Variants in VEGFA observed in about 807,000 individuals in gnomAD.
VEGFA encodes the protein vascular endothelial growth factor A, long form.
A neutral mutation model predicts 49.7 loss-of-function variants in VEGFA; 20 were observed. The observed-to-expected ratio is 0.40, with a 90% CI of 0.28 to 0.58. The LOEUF (loss-of-function observed/expected upper bound fraction) is 0.58, where lower values mean the gene tolerates loss of function less well. Ranked by LOEUF, VEGFA falls within the 20% of genes least tolerant of loss-of-function variation. The probability of loss-of-function intolerance (pLI) is 0.40; values close to 1 mark genes in which losing one functional copy is unlikely to be tolerated. For missense variants in VEGFA, 505 were observed against 553.5 expected, an observed-to-expected ratio of 0.91 and a Z score of 0.88; for synonymous variants, 219 against 223.4, an observed-to-expected ratio of 0.98 and a Z score of 0.18.
At chr6:43,774,296 C>G (rs766064086) in intron 1 of VEGFA, 45 bp from the exon 2 acceptor site, 1 of 1,609,170 alleles carries the variant, frequency 6.2e-7, no homozygotes, top group East Asian at 2.2e-5. Context: ...CCTGTGCACC[C>G]CAGCCCCTGC....
Position 43,770,553 on chromosome 6 carries a change from G to T in VEGFA, c.-154G>T. The T allele has an allele frequency of 7.5e-7, 1 of 1,332,782 alleles. No homozygotes were observed. The highest frequency in any genetic ancestry group is 9.6e-7 in the Non-Finnish European group (1 of 1,046,736). 82.6% of individuals were successfully genotyped at this position (1,332,782 alleles called of 1,614,324 possible). On this transcript the variant is annotated 5_prime_UTR_variant, in exon 1 of 8. Transcript: ENST00000672860. Reference sequence around the variant, plus strand: ...AAAGAGGTAGCAAGAGCTCCAGAGAGAAGTCGAGGAAGAGAGAGACGGGGT... The same window carrying T: ...AAAGAGGTAGCAAGAGCTCCAGAGATAAGTCGAGGAAGAGAGAGACGGGGT...
In VEGFA at chr6:43,784,573, A is replaced by T. The variant is rs1554165049; in HGVS notation, c.*11A>T. ...AAGCCGAGGCGGTGAGCCGGGCAGG[A>T]GGAAGGAGCCTCCCTCAGGGTTTCG... On this transcript the variant is annotated 3_prime_UTR_variant, in exon 8 of 8. Coordinates refer to ENST00000672860, the MANE Select transcript of VEGFA (RefSeq NM_003376.6). 6.2e-7 allele frequency: 1 copy of T among 1,614,234 alleles called. No homozygotes were observed. The highest frequency in any genetic ancestry group is 1.1e-5 in the South Asian group (1 of 91,086).
rs1403528948 is a variant in VEGFA, at chr6:43,785,787, C to T, written c.*1225C>T. ...GAGAAAAGAGAAAGTGTTTTATATA[C>T]GGTACTTATTTAATATCCCTTTTTA... On this transcript the variant is annotated 3_prime_UTR_variant, in exon 8 of 8. Coordinates refer to ENST00000672860, the MANE Select transcript of VEGFA (RefSeq NM_003376.6). The T allele has an allele frequency of 4.2e-5, 8 of 189,628 alleles. No homozygotes were observed. Among genetic ancestry groups the T allele is most frequent in the Non-Finnish European group, 6.6e-5 (6 of 90,710 alleles). 11.7% of individuals were successfully genotyped at this position (189,628 alleles called of 1,614,324 possible).
intron 3 of VEGFA, 76 bp from the exon 4 acceptor site, chr6:43,778,384 G>A (rs1018187279): frequency 1.5e-6 from 2 of 1,301,946 alleles, no homozygotes; most frequent in African/African-American, 2.9e-5. Flanking sequence ...CTGAGTGGCA[G>A]GAGCCCCAGG....
rs1431098894 is a variant in VEGFA, at chr6:43,770,222, G to A, written c.-485G>A. On this transcript the variant is annotated 5_prime_UTR_variant, in exon 1 of 8. Coordinates refer to ENST00000672860, the MANE Select transcript of VEGFA (RefSeq NM_003376.6). ...TAGCGGGGAGGATCGCGGAGGCTTG[G>A]GGCAGCCGGGTAGCTCGGAGGTCGT... 1.2e-5 allele frequency: 3 copies of A among 244,634 alleles called. No individual in the cohort carries two copies. The East Asian group carries it at 1.7e-4, about 14-fold the overall frequency. 15.2% of individuals were successfully genotyped at this position (244,634 alleles called of 1,614,324 possible). A position where few individuals can be genotyped will look rare whatever the true frequency, so the allele number is the denominator to read the frequency against.
chr6:43,782,109 A>G (rs745664349), intron 7 of VEGFA, 22 bp downstream of exon 7: 8 of 1,612,586 alleles, frequency 5.0e-6, no homozygotes, highest in Non-Finnish European at 6.8e-6. Flanking sequence ...GAGGGCAAGC[A>G]AGTCAGAGAG....
Position 43,785,714 on chromosome 6 carries a change from C to T in VEGFA, c.*1152C>T, listed in dbSNP as rs573618781. ...TCCCCTGGTCCTTCCCTTCCCTTCC[C>T]GAGGCACAGAGAGACAGGGCAGGAT... On this transcript the variant is annotated 3_prime_UTR_variant, in exon 8 of 8. Transcript: ENST00000672860. The T allele has an allele frequency of 7.2e-5, 14 of 193,396 alleles. No individual in the cohort carries two copies. Among genetic ancestry groups the T allele is most frequent in the Non-Finnish European group, 1.5e-4 (14 of 92,738 alleles). 12.0% of individuals were successfully genotyped at this position (193,396 alleles called of 1,614,324 possible).
intron 1 of VEGFA, chr6:43,771,989 C>A: frequency 4.1e-6 from 4 of 984,968 alleles, no homozygotes; most frequent in Non-Finnish European, 4.8e-6. Context: ...TACATCAGCC[C>A]GGGCCTGGCC....
chr6:43,784,492 G>GCCT (rs1769083970), intron 7 of VEGFA, 49 bp from the exon 8 acceptor site: 1 of 1,601,554 alleles, frequency 6.2e-7, no homozygotes, highest in East Asian at 2.2e-5. Context: ...TCATCGCCAG[G>GCCT]CCTCCTCACT....
In VEGFA at chr6:43,773,281, C is replaced by G. The variant is rs1244735047; in HGVS notation, c.607-1060C>G. ...CAGTGGGACTCTCCCCTAGCAGGGT[C>G]TGGTGTTCCGTAGGCTAGAGTGCCC... On this transcript the variant is annotated intron_variant, in intron 1 of 7. Coordinates refer to ENST00000672860, the MANE Select transcript of VEGFA (RefSeq NM_003376.6). The surrounding 1 kb of genome is among the most constrained non-coding windows in gnomAD (Gnocchi z 5.6). 1 of 152,360 alleles carries G rather than the reference C, an allele frequency of 6.6e-6. No individual in the cohort carries two copies. The highest frequency in any genetic ancestry group is 2.4e-5 in the African/African-American group (1 of 41,442). 9.4% of individuals were successfully genotyped at this position (152,360 alleles called of 1,614,324 possible). A position where few individuals can be genotyped will look rare whatever the true frequency, so the allele number is the denominator to read the frequency against.
Position 43,770,897 on chromosome 6 carries a change from T to C in VEGFA, c.191T>C (p.Phe64Ser), listed in dbSNP as rs1282837263. The change falls in exon 1 of 8, where the codon TTC (phenylalanine) becomes TCC (serine). Residue 64 changes from phenylalanine to serine, a missense_variant. This residue lies in a region of VEGFA where 340 missense variants were observed against 321.8 expected (regional missense o/e 1.06). Coordinates refer to ENST00000672860, the MANE Select transcript of VEGFA (RefSeq NM_003376.6). ...GTCCAACTTCTGGGCTGTTCTCGCTTCGGAGGAGCCGTGGTCCGCGCGGGG... is the reference window on the plus strand; with the variant it reads ...GTCCAACTTCTGGGCTGTTCTCGCTCCGGAGGAGCCGTGGTCCGCGCGGGG... 1 of 1,544,542 alleles carries C rather than the reference T, an allele frequency of 6.5e-7. No individual in the cohort carries two copies. The highest frequency in any genetic ancestry group is 8.7e-7 in the Non-Finnish European group (1 of 1,145,426).
Position 43,784,763 on chromosome 6 carries a change from C to G in VEGFA, c.*201C>G, listed in dbSNP as rs988080022. ...AGCACTTTGGGTCCGGAGGGCGAGA[C>G]TCCGGCGGAAGCATTCCCGGGCGGG... On this transcript the variant is annotated 3_prime_UTR_variant, in exon 8 of 8. Transcript: ENST00000672860. 3 of 943,018 alleles carry G rather than the reference C, an allele frequency of 3.2e-6. No individual in the cohort carries two copies. The African/African-American group carries it at 4.9e-5, about 15-fold the overall frequency. 58.4% of individuals were successfully genotyped at this position (943,018 alleles called of 1,614,324 possible). A position where few individuals can be genotyped will look rare whatever the true frequency, so the allele number is the denominator to read the frequency against.
rs1764250476 is a variant in VEGFA at position 43,773,434 on chromosome 6, C to T, written c.607-907C>T. ...TGTCTTGGCGTGTTGACCTTCACAG[C>T]TTCTGGCGAGGGGAGGAATGATCTG... On this transcript the variant is annotated intron_variant, in intron 1 of 7. Transcript: ENST00000672860. This position sits in a 1 kb window ranked among gnomAD's most constrained non-coding sequence, Gnocchi z 5.6. 6.6e-6 allele frequency: 1 copy of T among 152,220 alleles called. No individual in the cohort carries two copies. The highest frequency in any genetic ancestry group is 1.5e-5 in the Non-Finnish European group (1 of 68,084). 9.4% of individuals were successfully genotyped at this position (152,220 alleles called of 1,614,324 possible).
Position 43,770,456 on chromosome 6 carries a change from C to G in VEGFA, c.-251C>G. ...TTTGCTTGCCATTCCCCACTTGAAT[C>G]GGGCCGACGGCTTGGGGAGATTGCT... is the stretch of plus-strand genomic sequence containing the variant. On this transcript the variant is annotated 5_prime_UTR_variant, in exon 1 of 8. It adds an upstream start codon to the 5' untranslated region. Transcript: ENST00000672860. 1 of 642,518 alleles carries G rather than the reference C, an allele frequency of 1.6e-6. No individual in the cohort carries two copies. Among genetic ancestry groups the G allele is most frequent in the Non-Finnish European group, 2.2e-6 (1 of 445,204 alleles). 39.8% of individuals were successfully genotyped at this position (642,518 alleles called of 1,614,324 possible). A position where few individuals can be genotyped will look rare whatever the true frequency, so the allele number is the denominator to read the frequency against.
At chr6:43,776,463 C>T (rs1224198703) in intron 2 of VEGFA, 1 of 152,274 alleles carries the variant, frequency 6.6e-6, no homozygotes, top group Non-Finnish European at 1.5e-5. Context: ...CAGAATTACC[C>T]CTTCATGCTC....
At chr6:43,778,788 G>A in intron 4 of VEGFA, 101 bp from the exon 5 acceptor site, 2 of 1,328,284 alleles carry the variant, frequency 1.5e-6, no homozygotes, top group Non-Finnish European at 1.1e-6. Flanking sequence ...CATAATAAAT[G>A]CTGTTTTTAC....
In VEGFA at chr6:43,785,385, G is replaced by A. The variant is rs746442886; in HGVS notation, c.*823G>A. 85 of 217,900 alleles carry A rather than the reference G, an allele frequency of 3.9e-4. No individual in the cohort carries two copies. The highest frequency in any genetic ancestry group is 6.0e-4 in the Non-Finnish European group (65 of 108,176). 13.5% of individuals were successfully genotyped at this position (217,900 alleles called of 1,614,324 possible). A position where few individuals can be genotyped will look rare whatever the true frequency, so the allele number is the denominator to read the frequency against. On this transcript the variant is annotated 3_prime_UTR_variant, in exon 8 of 8. Coordinates refer to ENST00000672860, the MANE Select transcript of VEGFA (RefSeq NM_003376.6). ...TGGGGATTCCCTCCACATGCTGCAC[G>A]CGCATCTCGCCCCCAGGGGCACTGC...
Position 43,770,767 on chromosome 6 carries a change from C to A in VEGFA, c.61C>A (p.Arg21=). ...CAGCTACCACCTCCTCCCCGGCCGGCGGCGGACAGTGGACGCGGCGGCGAG... is the reference window on the plus strand; with the variant it reads ...CAGCTACCACCTCCTCCCCGGCCGGAGGCGGACAGTGGACGCGGCGGCGAG... Residue 21 remains arginine (R), a synonymous_variant, in exon 1 of 8, where the codon CGG becomes AGG. Transcript: ENST00000672860. The A allele has an allele frequency of 1.3e-6, 2 of 1,484,088 alleles. No homozygotes were observed. Among genetic ancestry groups the A allele is most frequent in the Non-Finnish European group, 8.9e-7 (1 of 1,125,000 alleles). 91.9% of individuals were successfully genotyped at this position (1,484,088 alleles called of 1,614,324 possible).
chr6:43,771,319 G>A lies in VEGFA; in HGVS notation c.606+7G>A, dbSNP rs1442059497. 3 of 1,596,950 alleles carry A rather than the reference G, an allele frequency of 1.9e-6. No individual in the cohort carries two copies. Among genetic ancestry groups the A allele is most frequent in the African/African-American group, 1.4e-5 (1 of 72,316 alleles). The stretch of plus-strand genomic sequence containing the variant: ...CTACCTCCACCATGCCAAGGTAAGC[G>A]GTCGTGCCCTGCTGGCGCCGCGGGC... On this transcript the variant is annotated splice_region_variant and intron_variant, in intron 1 of 7. Coordinates refer to ENST00000672860, the MANE Select transcript of VEGFA (RefSeq NM_003376.6).
Sources: gnomAD v4.1 joint callset for allele counts on GRCh38, gnomAD v4.1.1 for gene constraint, gnomAD v4.1.1 regional missense constraint, Gnocchi (gnomAD v3.1) non-coding constraint, MANE v1.5 for transcripts, NCBI Gene and HGNC (gene_info 2026-07-23, HGNC 2026-07-21) for gene names.